Variants in SH3KBP1 observed in about 807,000 individuals in gnomAD.
SH3KBP1 encodes the protein SH3 domain containing kinase binding protein 1, also known as SH3 domain-containing kinase-binding protein 1.
Under a neutral mutation model 50.1 loss-of-function variants are expected in SH3KBP1, and 8 were observed. The observed-to-expected ratio is 0.16, with a 90% CI of 0.09 to 0.29. The LOEUF is 0.29. Ranked by LOEUF, SH3KBP1 falls within the 10% of genes least tolerant of loss-of-function variation. SH3KBP1 has a pLI of 1.00. For missense variants in SH3KBP1, 377 were observed against 535.2 expected (o/e 0.70, Z 2.92); for synonymous variants, 227 against 218.6 (o/e 1.04, Z -0.34).
chrX:19,728,699 T>C (rs2064291630), intron 3 of SH3KBP1, among the ~76,000 whole-genome samples: 1 of 110,402 alleles, frequency 9.1e-6, no homozygotes, highest in Non-Finnish European at 1.9e-5. Context: ...TTGGGGAGGG[T>C]TTGCAAAGAG....
intron 13 of SH3KBP1, among the ~76,000 whole-genome samples, chrX:19,568,611 G>A (rs1356295593): frequency 1.8e-5 from 2 of 111,849 alleles, no homozygotes; most frequent in African/African-American, 6.5e-5. Flanking sequence ...CAGAGAGACT[G>A]TAGCTCCCTC....
intron 6 of SH3KBP1, among the ~76,000 whole-genome samples, chrX:19,646,463 T>C (rs769731864): frequency 7.1e-5 from 8 of 111,966 alleles, no homozygotes; most frequent in African/African-American, 1.9e-4. Flanking sequence ...AAAATGTCTA[T>C]TGATACCAGG....
intron 5 of SH3KBP1, among the ~76,000 whole-genome samples, chrX:19,691,333 T>G (rs1191632746): frequency 3.4e-5 from 3 of 89,484 alleles, no homozygotes; most frequent in African/African-American, 1.5e-4. Flanking sequence ...TCGCTCTCTC[T>G]CTCTCTCTCT....
intron 7 of SH3KBP1, among the ~76,000 whole-genome samples, chrX:19,639,296 A>C (rs1412633900): frequency 8.9e-6 from 1 of 111,808 alleles, no homozygotes; most frequent in Non-Finnish European, 1.9e-5. Flanking sequence ...TTATTTCACA[A>C]GTATGAATTA....
chrX:19,730,288 C>A (rs776429831), intron 3 of SH3KBP1, among the ~76,000 whole-genome samples: 1 of 111,705 alleles, frequency 9.0e-6, no homozygotes, highest in East Asian at 2.8e-4. Context: ...CCAGCCTGGG[C>A]AACATAGCAG....
chrX:19,788,897 G>A lies in SH3KBP1; in HGVS notation c.163-42456C>T, dbSNP rs1310490547. 2.7e-5 allele frequency among the ~76,000 whole-genome samples: 3 copies of A among 112,341 alleles called. No individual in the cohort carries two copies. In the East Asian group the frequency reaches 8.4e-4, roughly 32 times the overall value. ...TCCCAGCACTTTGGGAGGCCTAGGC[G>A]GGCGGATCACGAGGTCAGGAGTTTG... On this transcript the variant is annotated intron_variant, in intron 2 of 17. Coordinates refer to ENST00000397821, the MANE Select transcript of SH3KBP1 (RefSeq NM_031892.3).
At chrX:19,784,320 A>G (rs1030524369) in intron 2 of SH3KBP1, among the ~76,000 whole-genome samples, 2 of 112,243 alleles carry the variant, frequency 1.8e-5, no homozygotes, top group African/African-American at 6.5e-5. Flanking sequence ...CTATCCGTGT[A>G]TATCTAGGAA....
Position 19,535,203 on chromosome X carries a change from C to A in SH3KBP1, c.*1214G>T. The A allele has an allele frequency of 7.2e-6, 2 of 278,471 alleles. No individual in the cohort carries two copies. Among genetic ancestry groups the A allele is most frequent in the Non-Finnish European group, 1.3e-5 (2 of 158,469 alleles). The allele number at this position is 278,471 out of a possible 1,213,427, so 22.9% of individuals were successfully genotyped here. A position where few individuals can be genotyped will look rare whatever the true frequency, so the allele number is the denominator to read the frequency against. ...AAAGATAAAGCGGACAGGCAAACAT[C>A]AGTTTCCTTGGGAAAGAAAAAGCAA... On this transcript the variant is annotated 3_prime_UTR_variant, in exon 18 of 18. Transcript: ENST00000397821.
rs758605591 is a variant in SH3KBP1, at chrX:19,746,360, A to G, written c.244T>C (p.Ser82Pro). 1.7e-6 allele frequency: 2 copies of G among 1,209,480 alleles called. No individual in the cohort carries two copies. Among genetic ancestry groups the G allele is most frequent in the Admixed American group, 4.4e-5 (2 of 45,720 alleles). ...AAAATCGTTTCAGAAGACAGCAAAG[A>G]GTTTCCACTGGGCACTTCGTGCAGG... Reference protein sequence around the residue: ...KPLHEVPSGNSLLSSETILRT... With the variant: ...KPLHEVPSGNPLLSSETILRT... The change falls in exon 3 of 18, where the codon TCT (serine) becomes CCT (proline). Residue 82 changes from serine to proline, a missense_variant. Coordinates refer to ENST00000397821, the MANE Select transcript of SH3KBP1 (RefSeq NM_031892.3).
chrX:19,556,303 T>C (rs5909314), intron 13 of SH3KBP1, among the ~76,000 whole-genome samples: 27,131 of 107,245 alleles, frequency 0.25, 3,228 homozygotes, highest in African/African-American at 0.42. Flanking sequence ...TTTTTTTTTT[T>C]CCAAGGTCTA....
intron 12 of SH3KBP1, among the ~76,000 whole-genome samples, chrX:19,578,232 G>A (rs942748347): frequency 1.3e-4 from 15 of 111,747 alleles, no homozygotes; most frequent in African/African-American, 3.9e-4. Context: ...AGTGAAGTCT[G>A]GGATTTTGGA....
chrX:19,585,020 C>T (rs2066518223), intron 12 of SH3KBP1, among the ~76,000 whole-genome samples: 1 of 112,389 alleles, frequency 8.9e-6, no homozygotes, highest in Non-Finnish European at 1.9e-5. Flanking sequence ...CCTACCTCCA[C>T]TAACTTGGCA....
At chrX:19,842,538 A>T (rs1230794569) in intron 1 of SH3KBP1, among the ~76,000 whole-genome samples, 1 of 111,464 alleles carries the variant, frequency 9.0e-6, no homozygotes, top group African/African-American at 3.3e-5. Context: ...AAAAATAATA[A>T]TATTAAAATT....
intron 3 of SH3KBP1, among the ~76,000 whole-genome samples, chrX:19,744,261 A>C: frequency 8.9e-6 from 1 of 112,521 alleles, no homozygotes; most frequent in Non-Finnish European, 1.9e-5. Context: ...TCCTTGTTTT[A>C]AGGGGGGAAA....
At chrX:19,824,766 G>T (rs914113789) in intron 2 of SH3KBP1, among the ~76,000 whole-genome samples, 1 of 111,503 alleles carries the variant, frequency 9.0e-6, no homozygotes, top group Non-Finnish European at 1.9e-5. Flanking sequence ...AAAACTCACT[G>T]AGGTCACAGC....
At chrX:19,629,254 T>C in intron 8 of SH3KBP1, among the ~76,000 whole-genome samples, 1 of 111,278 alleles carries the variant, frequency 9.0e-6, no homozygotes, top group Non-Finnish European at 1.9e-5. Context: ...AACAGCCACA[T>C]GGACCAAGGC....
intron 4 of SH3KBP1, among the ~76,000 whole-genome samples, chrX:19,703,697 T>C (rs1353998952): frequency 2.7e-4 from 1 of 3,637 alleles, no homozygotes; most frequent in South Asian, 9.7e-3. Flanking sequence ...AAAGAGAAAC[T>C]GTGTGTGTGT....
intron 1 of SH3KBP1, among the ~76,000 whole-genome samples, chrX:19,881,435 A>G (rs2069430057): frequency 8.9e-6 from 1 of 112,068 alleles, no homozygotes. Context: ...GGCATTACAG[A>G]GGAGAAATGC....
At chrX:19,707,148 T>C (rs191811103) in intron 3 of SH3KBP1, 164 bp from the exon 4 acceptor site, 13 of 555,370 alleles carry the variant, frequency 2.3e-5, no homozygotes, top group Non-Finnish European at 4.3e-5. Flanking sequence ...AGAGAGGCAG[T>C]AGAAAGCAGA....
Sources: allele counts gnomAD v4.1 joint callset (sites outside exome capture counted in the v4.1 genomes callset), GRCh38; gene constraint gnomAD v4.1.1; transcripts MANE v1.5; gene names NCBI Gene and HGNC (gene_info 2026-07-23, HGNC 2026-07-21).